Variants in GPC6 observed in about 807,000 individuals in gnomAD.
The protein encoded by GPC6 is glypican-6.
GPC6 carries 14 observed loss-of-function variants against 55.2 expected under a neutral mutation model. The observed-to-expected ratio is 0.25, with a 90% CI of 0.17 to 0.40. The LOEUF (loss-of-function observed/expected upper bound fraction) is 0.40, where lower values mean the gene tolerates loss of function less well. Among genes scored for constraint, GPC6 ranks in the 10% least tolerant of loss-of-function variants. The pLI is 1.00. For missense variants in GPC6, 641 were observed against 708.5 expected, an observed-to-expected ratio of 0.90 and a Z score of 1.08; for synonymous variants, 278 against 259.6, an observed-to-expected ratio of 1.07 and a Z score of -0.68.
At chr13:94,290,520 T>G (rs1245452595) in intron 5 of GPC6, among the ~76,000 whole-genome samples, 1 of 152,140 alleles carries the variant, frequency 6.6e-6, no homozygotes, top group Non-Finnish European at 1.5e-5. Context: ...TTTAAATTTA[T>G]TTTTAATTGT....
At chr13:93,868,602 C>T (rs904983762) in intron 3 of GPC6, among the ~76,000 whole-genome samples, 1 of 151,664 alleles carries the variant, frequency 6.6e-6, no homozygotes, top group Non-Finnish European at 1.5e-5. Context: ...GTAAAGGTCT[C>T]TCTTTCCCTC....
chr13:93,999,178 C>T (rs989172793), intron 3 of GPC6, among the ~76,000 whole-genome samples: 4 of 152,192 alleles, frequency 2.6e-5, no homozygotes, highest in Admixed American at 2.0e-4. Context: ...TATCCCTCCC[C>T]TAGCTCCCCA....
chr13:93,670,185 C>A (rs371445925), intron 2 of GPC6, among the ~76,000 whole-genome samples: 18 of 152,246 alleles, frequency 1.2e-4, no homozygotes, highest in African/African-American at 3.9e-4. Flanking sequence ...AATAAAGCCT[C>A]ATAATGTAAC....
At chr13:93,521,394 C>G (rs1302103457) in intron 1 of GPC6, among the ~76,000 whole-genome samples, 1 of 151,794 alleles carries the variant, frequency 6.6e-6, no homozygotes, top group Non-Finnish European at 1.5e-5. Context: ...ACTTGATATA[C>G]TAATTTCATC....
intron 6 of GPC6, among the ~76,000 whole-genome samples, chr13:94,361,500 A>T (rs1230162485): frequency 6.6e-6 from 1 of 152,254 alleles, no homozygotes; most frequent in Non-Finnish European, 1.5e-5. Context: ...TATACACAGT[A>T]GGTTTGCATT....
intron 2 of GPC6, among the ~76,000 whole-genome samples, chr13:93,765,247 A>ACTTTCCAGATAAGCTGTCTGGAAAGACAT (rs1885082018): frequency 1.3e-5 from 1 of 78,382 alleles, no homozygotes; most frequent in Non-Finnish European, 3.7e-5. Context: ...TGGAAAGACA[A>ACTTTCCAGATAAGCTGTCTGGAAAGACAT]CTTTCCAGAT....
intron 4 of GPC6, among the ~76,000 whole-genome samples, chr13:94,221,690 C>T (rs545954620): frequency 4.7e-4 from 72 of 152,136 alleles, no homozygotes; most frequent in Middle Eastern, 3.4e-3. Context: ...CTGAAGATTT[C>T]TGCAAAGCAG....
chr13:93,467,284 G>A (rs527322529), intron 1 of GPC6, among the ~76,000 whole-genome samples: 67 of 152,228 alleles, frequency 4.4e-4, no homozygotes, highest in African/African-American at 1.4e-3. Flanking sequence ...CATATATACT[G>A]GGAAGAATTA....
intron 4 of GPC6, among the ~76,000 whole-genome samples, chr13:94,109,592 G>C (rs1421391522): frequency 6.6e-6 from 1 of 152,038 alleles, no homozygotes; most frequent in Non-Finnish European, 1.5e-5. Flanking sequence ...AATTCAGTAA[G>C]CAAAAACGCT....
intron 4 of GPC6, among the ~76,000 whole-genome samples, chr13:94,115,398 G>T (rs1382473566): frequency 6.6e-6 from 1 of 152,140 alleles, no homozygotes; most frequent in Non-Finnish European, 1.5e-5. Context: ...TTACAAGGGA[G>T]ATGGTCCCAG....
chr13:94,270,939 A>G (rs1594116307), intron 4 of GPC6, among the ~76,000 whole-genome samples: 1 of 144,682 alleles, frequency 6.9e-6, no homozygotes, highest in East Asian at 2.1e-4. Flanking sequence ...GCAGCCTTAT[A>G]AAGGACCAGA....
chr13:93,619,007 ATACTG>A (rs1021371366), intron 2 of GPC6, among the ~76,000 whole-genome samples: 53 of 152,252 alleles, frequency 3.5e-4, no homozygotes, highest in African/African-American at 1.2e-3. Context: ...ACTGTACTGA[ATACTG>A]TAGGCAACTG....
intron 2 of GPC6, among the ~76,000 whole-genome samples, chr13:93,580,693 A>G (rs1028660930): frequency 6.6e-6 from 1 of 152,184 alleles, no homozygotes; most frequent in Non-Finnish European, 1.5e-5. Context: ...GTTAGATAGC[A>G]TTATCTGACT....
intron 2 of GPC6, among the ~76,000 whole-genome samples, chr13:93,643,962 A>G (rs1300855570): frequency 1.3e-5 from 2 of 151,928 alleles, no homozygotes; most frequent in African/African-American, 4.8e-5. Flanking sequence ...GGTACATTGA[A>G]CTTCTGTCTT....
chr13:93,432,536 C>A (rs555472145), intron 1 of GPC6, among the ~76,000 whole-genome samples: 7 of 152,104 alleles, frequency 4.6e-5, no homozygotes, highest in Non-Finnish European at 8.8e-5. Context: ...AAGTTGCAGT[C>A]TTTCTGAAAC....
At chr13:93,805,497 C>T (rs1278684442) in intron 2 of GPC6, among the ~76,000 whole-genome samples, 1 of 151,954 alleles carries the variant, frequency 6.6e-6, no homozygotes, top group East Asian at 1.9e-4. Context: ...AAATGTAGCC[C>T]AACTTTTCAG....
Position 93,753,993 on chromosome 13 carries a change from T to G in GPC6, c.320-76161T>G, listed in dbSNP as rs78676136. ...TGGGCTGAAATTAATTTAAGGAGAC[T>G]GCACATGTGGAGACTGAGTATGTGA... On this transcript the variant is annotated intron_variant, in intron 2 of 8. Coordinates refer to ENST00000377047, the MANE Select transcript of GPC6 (RefSeq NM_005708.5). 3.2e-3 allele frequency among the ~76,000 whole-genome samples: 488 copies of G among 152,246 alleles called. 4 individuals are homozygous for G. Among genetic ancestry groups the G allele is most frequent in the African/African-American group, 0.011 (462 of 41,570 alleles).
rs113773199 is a variant in GPC6 at position 93,768,697 on chromosome 13, G to A, written c.320-61457G>A. On this transcript the variant is annotated intron_variant, in intron 2 of 8. Transcript: ENST00000377047. Reference sequence around the variant, plus strand: ...AGTGATGGCCATTAAGATGATCTTCGTACAGGAATTCATACAGGAATTTTT... The same window carrying A: ...AGTGATGGCCATTAAGATGATCTTCATACAGGAATTCATACAGGAATTTTT... Among the ~76,000 whole-genome samples the A allele has an allele frequency of 7.2e-3, 1,099 of 152,258 alleles. 15 individuals carry two copies. Among genetic ancestry groups the A allele is most frequent in the African/African-American group, 0.025 (1,030 of 41,542 alleles).
chr13:93,358,560 G>T (rs928744728), intron 1 of GPC6, among the ~76,000 whole-genome samples: 1 of 152,082 alleles, frequency 6.6e-6, no homozygotes, highest in African/African-American at 2.4e-5. Flanking sequence ...TATGCAGCAT[G>T]ACTCTAAAGC....
Sources: gnomAD v4.1 joint callset for allele counts (sites outside exome capture counted in the v4.1 genomes callset) on GRCh38, gnomAD v4.1.1 for gene constraint, MANE v1.5 for transcripts, NCBI Gene and HGNC (gene_info 2026-07-23, HGNC 2026-07-21) for gene names.